Variants in B4GALT4 observed in about 807,000 individuals in gnomAD.
B4GALT4 encodes beta-1,4-galactosyltransferase 4, also known as N-acetyllactosamine synthase.
A neutral mutation model predicts 37.3 loss-of-function variants in B4GALT4; 27 were observed. The ratio of observed to expected loss-of-function variants is 0.72; its 90% CI spans 0.53 to 1.00. The LOEUF is 1.00. B4GALT4 is among the 50% of genes least tolerant of loss of function. B4GALT4 has a pLI of 0.00. For missense variants in B4GALT4, 372 were observed against 413.1 expected, an observed-to-expected ratio of 0.90 and a Z score of 0.86; for synonymous variants, 148 against 154.1, an observed-to-expected ratio of 0.96 and a Z score of 0.29.
chr3:119,235,555 C>G (rs754176667), intron 2 of B4GALT4, among the ~76,000 whole-genome samples: 1 of 152,184 alleles, frequency 6.6e-6, no homozygotes, highest in Non-Finnish European at 1.5e-5. Context: ...TTTTGCTACT[C>G]TTTTTACTCC....
chr3:119,224,348 A>G (rs2078536814), intron 4 of B4GALT4, 103 bp from the exon 5 acceptor site: 11 of 728,990 alleles, frequency 1.5e-5, no homozygotes, highest in South Asian at 8.7e-5. Context: ...TAATTATTCT[A>G]CGCACGAGAC....
chr3:119,232,719 G>A (rs2078860999), intron 2 of B4GALT4, among the ~76,000 whole-genome samples: 1 of 152,110 alleles, frequency 6.6e-6, no homozygotes, highest in African/African-American at 2.4e-5. Flanking sequence ...CTTAATTGTA[G>A]GAGGCTTAAA....
At chr3:119,227,821 T>A (rs1046561506) in intron 3 of B4GALT4, among the ~76,000 whole-genome samples, 12 of 152,176 alleles carry the variant, frequency 7.9e-5, no homozygotes, top group African/African-American at 2.9e-4. Context: ...AGTAAAGCAG[T>A]CATAGGCCCT....
At chr3:119,235,750 T>C (rs1011075507) in intron 2 of B4GALT4, among the ~76,000 whole-genome samples, 1 of 152,144 alleles carries the variant, frequency 6.6e-6, no homozygotes, top group African/African-American at 2.4e-5. Context: ...GCCATTTACA[T>C]GTACAAGTCA....
intron 3 of B4GALT4, among the ~76,000 whole-genome samples, chr3:119,228,746 C>T (rs1451235215): frequency 1.3e-5 from 2 of 152,166 alleles, no homozygotes; most frequent in African/African-American, 4.8e-5. Context: ...CTAATGCCCA[C>T]TGTGGGGCCT....
At chr3:119,218,110 G>A (rs1033709506) in intron 6 of B4GALT4, among the ~76,000 whole-genome samples, 3 of 152,134 alleles carry the variant, frequency 2.0e-5, no homozygotes, top group Admixed American at 6.5e-5. Flanking sequence ...GAGAACCCAG[G>A]GTAATGTCAA....
intron 2 of B4GALT4, among the ~76,000 whole-genome samples, chr3:119,234,085 C>T (rs2078907455): frequency 6.6e-6 from 1 of 152,074 alleles, no homozygotes; most frequent in African/African-American, 2.4e-5. Flanking sequence ...CCCAAGTACA[C>T]TGTTATATCT....
At position 119,218,647 on chromosome 3, in the gene B4GALT4, C is replaced by T. The variant is rs1187934549; in HGVS notation, c.797+3G>A. The T allele has an allele frequency of 1.2e-6, 2 of 1,614,184 alleles. No individual in the cohort carries two copies. The highest frequency in any genetic ancestry group is 3.3e-4 in the Middle Eastern group (2 of 6,056). The stretch of plus-strand genomic sequence containing the variant: ...GTGAAGGGGACCTTTCTCTGTTGTT[C>T]ACCTGAGTCTGAGGTCATCGTCTTC... On this transcript the variant is annotated splice_donor_region_variant and intron_variant, in intron 6 of 7. Transcript: ENST00000393765.
chr3:119,213,763 T>G (rs1030749642), intron 7 of B4GALT4: 2 of 152,204 alleles, frequency 1.3e-5, no homozygotes, highest in African/African-American at 2.4e-5. Context: ...TTTCATACAA[T>G]TTAGGAATAC....
Position 119,212,553 on chromosome 3 carries a change from G to A in B4GALT4, c.1031C>T (p.Ala344Val). The A allele has an allele frequency of 6.3e-7, 1 of 1,596,404 alleles. No individual in the cohort carries two copies. Among genetic ancestry groups the A allele is most frequent in the Non-Finnish European group, 8.5e-7 (1 of 1,174,178 alleles). The change falls in exon 8 of 8, where the codon GCA becomes GTA. Residue 344 changes from alanine to valine, a missense_variant. By Grantham distance (64) the Ala-to-Val change is moderately conservative (BLOSUM62 0). Transcript: ENST00000393765. ...INITVDFWFG[A>V] is the part of the protein sequence containing the mutation. ...ACATCACCAAAAGACCCAGGGTCAT[G>A]CACCAAACCAGAAATCCACTGTGAT...
At chr3:119,213,868 G>C (rs1409522239) in intron 7 of B4GALT4, 1 of 152,136 alleles carries the variant, frequency 6.6e-6, no homozygotes, top group Non-Finnish European at 1.5e-5. Context: ...AATAGAAATA[G>C]CTATTTTGTT....
intron 7 of B4GALT4, 165 bp downstream of exon 7, chr3:119,216,075 G>C (rs1175426063): frequency 6.9e-6 from 3 of 432,444 alleles, no homozygotes; most frequent in African/African-American, 2.0e-5. Flanking sequence ...TAGACGTGAG[G>C]GTTCAGTGCA....
chr3:119,233,695 T>C (rs1382350570), intron 2 of B4GALT4, among the ~76,000 whole-genome samples: 1 of 152,240 alleles, frequency 6.6e-6, no homozygotes, highest in Non-Finnish European at 1.5e-5. Flanking sequence ...TTACAGACTC[T>C]GTTCAAAGGT....
Position 119,218,746 on chromosome 3 carries a change from C to T in B4GALT4, c.701G>A (p.Gly234Asp), listed in dbSNP as rs2078362340. 3 of 1,613,928 alleles carry T rather than the reference C, an allele frequency of 1.9e-6. No individual in the cohort carries two copies. The highest frequency in any genetic ancestry group is 2.7e-5 in the African/African-American group (2 of 74,912). ...YRLRYSGYFG[G>D]VTALSREQFF... is the part of the protein sequence containing the mutation. ...CTGCTCTCTGCTTAGGGCAGTAACA[C>T]CCCCAAAATATCCACTGTAACGTAA... Residue 234 changes from glycine (G) to aspartate (D), a missense_variant, in exon 6 of 8, where the codon GGT becomes GAT. Physicochemically the swap from Gly to Asp is moderately conservative, Grantham distance 94 (BLOSUM62 -1). Transcript: ENST00000393765.
At chr3:119,219,798 G>A (rs2078397511) in intron 5 of B4GALT4, among the ~76,000 whole-genome samples, 1 of 152,136 alleles carries the variant, frequency 6.6e-6, no homozygotes, top group South Asian at 2.1e-4. Context: ...CAGAAATAAA[G>A]GTATCCCTTA....
At chr3:119,216,869 G>A (rs543407846) in intron 6 of B4GALT4, among the ~76,000 whole-genome samples, 58 of 152,328 alleles carry the variant, frequency 3.8e-4, no homozygotes, top group Middle Eastern at 3.4e-3. Flanking sequence ...TCCCTCATCT[G>A]TAAAATGGCA....
intron 2 of B4GALT4, among the ~76,000 whole-genome samples, chr3:119,231,654 G>A (rs1329956750): frequency 6.7e-6 from 1 of 150,304 alleles, no homozygotes; most frequent in African/African-American, 2.4e-5. Flanking sequence ...AGGAGAATGG[G>A]ATTCGCTGGG....
chr3:119,226,592 T>C (rs1276830823), intron 4 of B4GALT4: 7 of 558,390 alleles, frequency 1.3e-5, no homozygotes, highest in Admixed American at 3.1e-5. Context: ...CAGAGGTTCC[T>C]TTAAGGGCAG....
In B4GALT4 at chr3:119,230,199, T is replaced by G; in HGVS notation, c.-100A>C. 6.9e-7 allele frequency: 1 copy of G among 1,449,124 alleles called. No individual in the cohort carries two copies. The highest frequency in any genetic ancestry group is 9.4e-7 in the Non-Finnish European group (1 of 1,062,398). The allele number at this position is 1,449,124 out of a possible 1,614,324, so 89.8% of individuals were successfully genotyped here. ...ATCTGATTGCGAACTTGATGACAAC[T>G]GAAGATACAATGCCTGGTTTTTCTC... On this transcript the variant is annotated 5_prime_UTR_variant, in exon 3 of 8. Coordinates refer to ENST00000393765, the MANE Select transcript of B4GALT4 (RefSeq NM_003778.4).
Sources: allele counts gnomAD v4.1 joint callset (sites outside exome capture counted in the v4.1 genomes callset), GRCh38; gene constraint gnomAD v4.1.1; transcripts MANE v1.5; gene names NCBI Gene and HGNC (gene_info 2026-07-23, HGNC 2026-07-21).